PCNX1: variants seen among roughly 807,000 people sequenced by gnomAD.
PCNX1 encodes the protein pecanex-like protein 1.
In PCNX1, 78 loss-of-function variants were observed where a neutral mutation model predicts 242.2. The observed-to-expected ratio is 0.32, with a 90% CI of 0.27 to 0.39. PCNX1 has a LOEUF of 0.39. Ranked by LOEUF, PCNX1 falls within the 10% of genes least tolerant of loss-of-function variation. The pLI is 1.00. For synonymous variants in PCNX1, 1,024 were observed against 1,032.9 expected, an observed-to-expected ratio of 0.99 and a Z score of 0.17; for missense variants, 2,581 against 2,856.5, an observed-to-expected ratio of 0.90 and a Z score of 2.20.
intron 1 of PCNX1, among the ~76,000 whole-genome samples, chr14:70,919,398 T>C (rs2056279331): frequency 6.6e-6 from 1 of 152,132 alleles, no homozygotes. Flanking sequence ...CAAGCAGAAA[T>C]GTTTCTTTGA....
At chr14:71,083,323 A>G (rs191225563) in intron 28 of PCNX1, among the ~76,000 whole-genome samples, 119 of 152,046 alleles carry the variant, frequency 7.8e-4, no homozygotes, top group Middle Eastern at 3.4e-3. Flanking sequence ...TCTGACGATT[A>G]TGTGTCTTGG....
chr14:71,094,313 G>A (rs977871715), intron 30 of PCNX1, among the ~76,000 whole-genome samples: 5 of 152,176 alleles, frequency 3.3e-5, no homozygotes, highest in African/African-American at 1.2e-4. Context: ...GAGGCAGGAA[G>A]GAACTTTTTG....
chr14:71,115,211 C>G lies in PCNX1; in HGVS notation c.*5276C>G, dbSNP rs530621342. 1 of 152,412 alleles carries G rather than the reference C, an allele frequency of 6.6e-6. No individual in the cohort carries two copies. Among genetic ancestry groups the G allele is most frequent in the Non-Finnish European group, 1.5e-5 (1 of 67,970 alleles). 9.4% of individuals were successfully genotyped at this position (152,412 alleles called of 1,614,324 possible). ...CCAGAGATAAGGACATATGTACTTA[C>G]GTGTGTCTGTGAGTGTGTGTGTGTC... On this transcript the variant is annotated 3_prime_UTR_variant, in exon 36 of 36. Transcript: ENST00000304743.
rs1338691545 is a variant in PCNX1 at position 71,108,966 on chromosome 14, A to G, written c.6664A>G (p.Thr2222Ala). The G allele has an allele frequency of 3.7e-6, 6 of 1,614,094 alleles. No homozygotes were observed. Among genetic ancestry groups the G allele is most frequent in the Non-Finnish European group, 5.1e-6 (6 of 1,180,020 alleles). Residue 2222 changes from threonine to alanine, a missense_variant, in exon 34 of 36, where the codon ACT becomes GCT. Transcript: ENST00000304743. ...LATEGGQSSA[T>A]DAQPGNTLSP... is the part of the protein sequence containing the mutation. ...GACAGAGGGAGGTCAGAGCAGTGCC[A>G]CTGATGCACAGCCAGGCAACACCTT...
chr14:70,959,484 G>GT (rs2058124399), intron 2 of PCNX1, among the ~76,000 whole-genome samples: 1 of 148,496 alleles, frequency 6.7e-6, no homozygotes, highest in African/African-American at 2.5e-5. Context: ...GCGGTGTTTG[G>GT]TTTTTTGTTC....
At chr14:71,070,807 C>T (rs1056684340) in intron 26 of PCNX1, among the ~76,000 whole-genome samples, 19 of 152,166 alleles carry the variant, frequency 1.2e-4, no homozygotes, top group African/African-American at 3.1e-4. Context: ...TTAGCAGCTC[C>T]GTTAGACCCT....
intron 1 of PCNX1, among the ~76,000 whole-genome samples, chr14:70,945,915 A>C (rs2057438679): frequency 6.6e-6 from 1 of 152,170 alleles, no homozygotes; most frequent in Non-Finnish European, 1.5e-5. Context: ...TGGGATCTAG[A>C]GCTATAGATG....
intron 1 of PCNX1, among the ~76,000 whole-genome samples, chr14:70,916,859 C>T (rs1477889730): frequency 5.3e-5 from 8 of 152,186 alleles, no homozygotes; most frequent in African/African-American, 1.4e-4. Context: ...TGCTTGATAG[C>T]GTTTTACCCA....
At chr14:71,011,161 C>G (rs1325810463) in intron 9 of PCNX1, among the ~76,000 whole-genome samples, 1 of 152,026 alleles carries the variant, frequency 6.6e-6, no homozygotes, top group Admixed American at 6.5e-5. Context: ...TTACTGATTC[C>G]TGGCAATATG....
chr14:71,092,568 AG>A (rs1433020307), intron 30 of PCNX1: 1 of 152,206 alleles, frequency 6.6e-6, no homozygotes, highest in Non-Finnish European at 1.5e-5. Flanking sequence ...TTGAGGAAAA[AG>A]GTTATCTGCC....
intron 30 of PCNX1, 151 bp downstream of exon 30, chr14:71,089,493 A>T: frequency 1.7e-6 from 1 of 596,120 alleles, no homozygotes; most frequent in Non-Finnish European, 2.8e-6. Flanking sequence ...TCACAGTTCC[A>T]CAGGGGTGGG....
At chr14:70,920,732 A>G (rs1034599942) in intron 1 of PCNX1, among the ~76,000 whole-genome samples, 10 of 152,154 alleles carry the variant, frequency 6.6e-5, no homozygotes, top group African/African-American at 2.4e-4. Flanking sequence ...AGGCTATGAG[A>G]CAAGTACACA....
At chr14:70,954,229 T>C (rs1229780360) in intron 2 of PCNX1, among the ~76,000 whole-genome samples, 2 of 152,210 alleles carry the variant, frequency 1.3e-5, no homozygotes, top group African/African-American at 2.4e-5. Context: ...TTCTGGTGGC[T>C]TGTTTCTGGG....
At chr14:71,104,420 T>C (rs1188558342) in intron 32 of PCNX1, among the ~76,000 whole-genome samples, 1 of 152,142 alleles carries the variant, frequency 6.6e-6, no homozygotes, top group Non-Finnish European at 1.5e-5. Context: ...AGATCTAATA[T>C]GCTGGAATTA....
chr14:71,048,560 T>C (rs1030367785), intron 22 of PCNX1, among the ~76,000 whole-genome samples: 15 of 152,220 alleles, frequency 9.9e-5, no homozygotes, highest in African/African-American at 2.2e-4. Context: ...CTCAGTGAAA[T>C]AGGCTGTACA....
In PCNX1 at chr14:71,109,991, A is replaced by G. The variant is rs747205845; in HGVS notation, c.*56A>G. The stretch of plus-strand genomic sequence containing the variant: ...TCCCTCTCAATTCCAAGGCATTGGA[A>G]AAAGAGAGGAACAAGCAGAAGATGC... On this transcript the variant is annotated 3_prime_UTR_variant, in exon 36 of 36. Coordinates refer to ENST00000304743, the MANE Select transcript of PCNX1 (RefSeq NM_014982.3). 9 of 1,495,470 alleles carry G rather than the reference A, an allele frequency of 6.0e-6. No homozygotes were observed. The highest frequency in any genetic ancestry group is 7.5e-6 in the Non-Finnish European group (8 of 1,072,870). The allele number at this position is 1,495,470 out of a possible 1,614,324, so 92.6% of individuals were successfully genotyped here.
chr14:71,012,022 C>T (rs1163369321), intron 10 of PCNX1: 3 of 154,080 alleles, frequency 1.9e-5, no homozygotes, highest in Non-Finnish European at 4.3e-5. Flanking sequence ...AGTACTATGC[C>T]AAATACAGTC....
chr14:71,051,845 C>G (rs548196816), intron 23 of PCNX1, 38 bp from the exon 24 acceptor site: 34 of 1,601,192 alleles, frequency 2.1e-5, no homozygotes, highest in Non-Finnish European at 2.7e-5. Flanking sequence ...CATCTGTGCT[C>G]AGATGAATGT....
chr14:71,097,915 C>T (rs1287645803), intron 30 of PCNX1, among the ~76,000 whole-genome samples: 1 of 152,188 alleles, frequency 6.6e-6, no homozygotes, highest in Non-Finnish European at 1.5e-5. Flanking sequence ...ATTTTAAGGT[C>T]TTACATTTAA....
Sources: allele counts gnomAD v4.1 joint callset (sites outside exome capture counted in the v4.1 genomes callset), GRCh38; gene constraint gnomAD v4.1.1; transcripts MANE v1.5; gene names NCBI Gene and HGNC (gene_info 2026-07-23, HGNC 2026-07-21).